The following FSTL5 variants were observed in gnomAD, a reference collection of about 807,000 sequenced individuals.
The protein encoded by FSTL5 is follistatin like 5.
In FSTL5, 62 loss-of-function variants were observed where a neutral mutation model predicts 89.1. The observed-to-expected ratio is 0.70, with a 90% CI of 0.57 to 0.86. The LOEUF (loss-of-function observed/expected upper bound fraction) is 0.86. Ranked by LOEUF, FSTL5 falls within the 40% of genes least tolerant of loss-of-function variation. The probability of loss-of-function intolerance (pLI) is 0.00; values close to 1 mark genes in which losing one functional copy is unlikely to be tolerated. For synonymous variants in FSTL5, 383 were observed against 346.2 expected (o/e 1.11, Z -1.18); for missense variants, 1,057 against 1,001.6 (o/e 1.06, Z -0.75).
chr4:161,628,087 G>A (rs1735375139), intron 7 of FSTL5, among the ~76,000 whole-genome samples: 1 of 151,972 alleles, frequency 6.6e-6, no homozygotes, highest in Non-Finnish European at 1.5e-5. Context: ...ATAAGTCCCC[G>A]AGCCTCAGTT....
intron 13 of FSTL5, among the ~76,000 whole-genome samples, chr4:161,479,359 T>C (rs1729419284): frequency 1.3e-5 from 2 of 152,154 alleles, no homozygotes; most frequent in Admixed American, 6.5e-5. Context: ...TGGAATTATA[T>C]GAATAATAAG....
chr4:162,038,581 A>G (rs1021830897), intron 2 of FSTL5, among the ~76,000 whole-genome samples: 1 of 151,896 alleles, frequency 6.6e-6, no homozygotes, highest in African/African-American at 2.4e-5. Flanking sequence ...AAATAACACC[A>G]AAGTACCATG....
intron 14 of FSTL5, among the ~76,000 whole-genome samples, chr4:161,457,429 C>G (rs984411756): frequency 5.9e-5 from 9 of 152,024 alleles, no homozygotes; most frequent in Non-Finnish European, 1.2e-4. Context: ...AATAAAGAAC[C>G]CATTTTTAGA....
At chr4:162,128,483 A>C (rs1732170096) in intron 1 of FSTL5, among the ~76,000 whole-genome samples, 1 of 152,210 alleles carries the variant, frequency 6.6e-6, no homozygotes, top group East Asian at 1.9e-4. Flanking sequence ...ATGTGAGTAC[A>C]TAGGGAGAAG....
At chr4:162,137,788 A>T (rs1012068709) in intron 1 of FSTL5, among the ~76,000 whole-genome samples, 2 of 152,208 alleles carry the variant, frequency 1.3e-5, no homozygotes, top group South Asian at 2.1e-4. Context: ...GCTAATTATA[A>T]CTATATGATA....
At chr4:161,928,098 A>T (rs1398625181) in intron 3 of FSTL5, among the ~76,000 whole-genome samples, 1 of 151,874 alleles carries the variant, frequency 6.6e-6, no homozygotes, top group African/African-American at 2.4e-5. Context: ...TTGCTGATAT[A>T]TTTAATGGCT....
chr4:161,384,667 C>T lies in FSTL5; in HGVS notation c.*1080G>A, dbSNP rs1186985900. On this transcript the variant is annotated 3_prime_UTR_variant, in exon 16 of 16. Transcript: ENST00000306100. Reference sequence around the variant, plus strand: ...AAATAGCAAAAACAATGGAGTACTACATTTTTACTTACCACTGTCGGGCTA... The same window carrying T: ...AAATAGCAAAAACAATGGAGTACTATATTTTTACTTACCACTGTCGGGCTA... The T allele has an allele frequency of 6.6e-6, 1 of 152,112 alleles. No homozygotes were observed. Among genetic ancestry groups the T allele is most frequent in the Non-Finnish European group, 1.5e-5 (1 of 67,974 alleles). The allele number at this position is 152,112 out of a possible 1,614,324, so 9.4% of individuals were successfully genotyped here.
At chr4:161,557,239 A>C (rs922396662) in intron 8 of FSTL5, among the ~76,000 whole-genome samples, 2 of 151,402 alleles carry the variant, frequency 1.3e-5, no homozygotes, top group African/African-American at 2.4e-5. Context: ...TATAAATCAT[A>C]ATAAGCCTAA....
intron 4 of FSTL5, among the ~76,000 whole-genome samples, chr4:161,907,628 G>C (rs1193870904): frequency 1.3e-5 from 2 of 152,006 alleles, no homozygotes; most frequent in Non-Finnish European, 2.9e-5. Context: ...CTGCATACAT[G>C]GGTGCTGATA....
chr4:161,795,161 T>A (rs1729597015), intron 4 of FSTL5, among the ~76,000 whole-genome samples: 2 of 152,182 alleles, frequency 1.3e-5, no homozygotes, highest in South Asian at 4.1e-4. Context: ...CAATTATTAC[T>A]ATGGTGGCAG....
chr4:161,438,106 G>A (rs1295075410), intron 15 of FSTL5, among the ~76,000 whole-genome samples: 1 of 147,156 alleles, frequency 6.8e-6, no homozygotes, highest in Admixed American at 6.6e-5. Context: ...CCAAGCATAT[G>A]TGCAAAAAGA....
At chr4:161,601,783 G>T (rs1578958243) in intron 7 of FSTL5, among the ~76,000 whole-genome samples, 1 of 152,162 alleles carries the variant, frequency 6.6e-6, no homozygotes, top group South Asian at 2.1e-4. Flanking sequence ...TGTAATCATA[G>T]TGGCTAACAA....
At chr4:162,070,105 T>G (rs1729547457) in intron 2 of FSTL5, among the ~76,000 whole-genome samples, 2 of 152,048 alleles carry the variant, frequency 1.3e-5, no homozygotes, top group South Asian at 4.1e-4. Context: ...CATGTGGTTT[T>G]GGTTTGCATT....
intron 3 of FSTL5, among the ~76,000 whole-genome samples, chr4:161,978,624 T>C (rs1397716257): frequency 6.6e-6 from 1 of 152,158 alleles, no homozygotes; most frequent in Admixed American, 6.5e-5. Context: ...TACAGTACTA[T>C]TATAACATTA....
At chr4:161,791,678 A>G (rs1010113072) in intron 4 of FSTL5, among the ~76,000 whole-genome samples, 6 of 152,074 alleles carry the variant, frequency 3.9e-5, no homozygotes, top group Non-Finnish European at 7.4e-5. Context: ...ATTCATTAAC[A>G]TTATTCCTGG....
At chr4:162,116,837 C>A (rs550753056) in intron 1 of FSTL5, among the ~76,000 whole-genome samples, 4 of 152,300 alleles carry the variant, frequency 2.6e-5, no homozygotes, top group South Asian at 4.1e-4. Flanking sequence ...TCACCCTGTC[C>A]TAGAAAAATT....
chr4:161,707,216 CT>C (rs1164079424), intron 6 of FSTL5, among the ~76,000 whole-genome samples: 1 of 151,736 alleles, frequency 6.6e-6, no homozygotes, highest in East Asian at 1.9e-4. Context: ...GTAGCATTCA[CT>C]TTTAAAACAA....
intron 8 of FSTL5, among the ~76,000 whole-genome samples, chr4:161,581,402 C>T (rs1006920263): frequency 6.6e-6 from 1 of 152,200 alleles, no homozygotes; most frequent in African/African-American, 2.4e-5. Context: ...AGACCTCTTC[C>T]TGCTTTGTAG....
intron 6 of FSTL5, among the ~76,000 whole-genome samples, chr4:161,671,822 C>T (rs141771496): frequency 1.2e-4 from 19 of 152,170 alleles, no homozygotes; most frequent in African/African-American, 4.6e-4. Flanking sequence ...ATTTCTAGTC[C>T]GTGACAGTAG....
Sources: gnomAD v4.1 joint callset for allele counts (sites outside exome capture counted in the v4.1 genomes callset) on GRCh38, gnomAD v4.1.1 for gene constraint, MANE v1.5 for transcripts, NCBI Gene and HGNC (gene_info 2026-07-23, HGNC 2026-07-21) for gene names.